RNF157: variants seen among roughly 807,000 people sequenced by gnomAD.
RNF157 encodes E3 ubiquitin ligase RNF157.
RNF157 carries 55 observed loss-of-function variants against 88.3 expected under a neutral mutation model. That is an observed-to-expected ratio of 0.62 (90% confidence interval 0.50 to 0.78). RNF157 has a LOEUF of 0.78. Ranked by LOEUF, RNF157 falls within the 30% of genes least tolerant of loss-of-function variation. RNF157 has a pLI of 0.00. For missense variants in RNF157, 788 were observed against 860.8 expected (o/e 0.92, Z 1.06); for synonymous variants, 334 against 341.2 (o/e 0.98, Z 0.23).
chr17:76,165,887 A>G (rs2068916219), intron 6 of RNF157, among the ~76,000 whole-genome samples: 2 of 152,046 alleles, frequency 1.3e-5, no homozygotes, highest in Admixed American at 1.3e-4. Flanking sequence ...TATGTTGGTC[A>G]GGCTGGTCTC....
At chr17:76,177,265 C>T (rs1241708485) in intron 2 of RNF157, among the ~76,000 whole-genome samples, 3 of 151,956 alleles carry the variant, frequency 2.0e-5, no homozygotes, top group Non-Finnish European at 4.4e-5. Context: ...GGCTGTGGAT[C>T]GGGGGCCTCC....
intron 18 of RNF157, among the ~76,000 whole-genome samples, chr17:76,151,826 G>A (rs1163580983): frequency 6.6e-6 from 1 of 152,222 alleles, no homozygotes; most frequent in Non-Finnish European, 1.5e-5. Context: ...AAATCCAGTA[G>A]TATGTACAAT....
chr17:76,184,239 A>C (rs551177919), intron 2 of RNF157, among the ~76,000 whole-genome samples: 27 of 152,098 alleles, frequency 1.8e-4, no homozygotes, highest in African/African-American at 4.6e-4. Context: ...TTGGGCAGAC[A>C]TTTAATATTT....
intron 1 of RNF157, among the ~76,000 whole-genome samples, chr17:76,215,426 G>A (rs561114378): frequency 4.0e-5 from 6 of 150,248 alleles, no homozygotes; most frequent in Non-Finnish European, 8.9e-5. Flanking sequence ...AGCGAGCTAT[G>A]ATTGCCACTG....
intron 2 of RNF157, chr17:76,212,149 A>T (rs1291976621): frequency 4.2e-6 from 2 of 479,894 alleles, no homozygotes; most frequent in Non-Finnish European, 7.5e-6. Context: ...TGTGAGACTC[A>T]TCCTCTCCCT....
Position 76,164,811 on chromosome 17 carries a change from G to C in RNF157, c.673-16C>G. The C allele has an allele frequency of 1.2e-6, 2 of 1,603,744 alleles. No individual in the cohort carries two copies. The highest frequency in any genetic ancestry group is 8.5e-7 in the Non-Finnish European group (1 of 1,171,298). On this transcript the variant is annotated splice_polypyrimidine_tract_variant and intron_variant, in intron 7 of 18. Transcript: ENST00000269391. The stretch of plus-strand genomic sequence containing the variant: ...CATCTGTGTGCTGGAATGAAAATAT[G>C]AAAGTTATGACAAGGAAGGGAGGGT...
chr17:76,146,329 C>A lies in RNF157; in HGVS notation c.1922-976G>T. ...GCTGTGAGGACTAGATGAGAGAATG[C>A]GAGCGTTGGTGAGTATCTGACTCCT... On this transcript the variant is annotated intron_variant, in intron 18 of 18. Transcript: ENST00000269391. This position sits in a 1 kb window ranked among gnomAD's most constrained non-coding sequence, Gnocchi z 4.2. 1.0e-6 allele frequency: 1 copy of A among 984,896 alleles called. No homozygotes were observed. Among genetic ancestry groups the A allele is most frequent in the Non-Finnish European group, 1.2e-6 (1 of 829,482 alleles). The allele number at this position is 984,896 out of a possible 1,614,324, so 61.0% of individuals were successfully genotyped here.
At chr17:76,180,889 G>A (rs1424172951) in intron 2 of RNF157, among the ~76,000 whole-genome samples, 5 of 152,088 alleles carry the variant, frequency 3.3e-5, no homozygotes, top group East Asian at 3.8e-4. Context: ...TCACATTCTC[G>A]AAAGGAACAA....
chr17:76,207,269 A>T lies in RNF157; in HGVS notation c.207+5095T>A, dbSNP rs1316127119. Among the ~76,000 whole-genome samples, 5 of 152,306 alleles carry T rather than the reference A, an allele frequency of 3.3e-5. No individual in the cohort carries two copies. The East Asian group carries it at 5.8e-4, about 18-fold the overall frequency. On this transcript the variant is annotated intron_variant, in intron 2 of 18. Transcript: ENST00000269391. Reference sequence around the variant, plus strand: ...ACCCTGTCTCTACAAAAAAAATTTTAAAAATTAGCCCAGTGTAGTAGCATG... The same window carrying T: ...ACCCTGTCTCTACAAAAAAAATTTTTAAAATTAGCCCAGTGTAGTAGCATG...
At chr17:76,212,299 T>C (rs910651039) in intron 2 of RNF157, 65 bp downstream of exon 2, 3 of 1,160,192 alleles carry the variant, frequency 2.6e-6, no homozygotes, top group African/African-American at 1.5e-5. Flanking sequence ...GCAAACTTAT[T>C]TTTGTTACAT....
intron 2 of RNF157, among the ~76,000 whole-genome samples, chr17:76,199,522 G>A (rs1371982536): frequency 6.7e-6 from 1 of 149,948 alleles, no homozygotes; most frequent in African/African-American, 2.5e-5. Flanking sequence ...CCAAAGTGCT[G>A]GGTTTATAGA....
At chr17:76,182,788 T>TGA (rs71161270) in intron 2 of RNF157, among the ~76,000 whole-genome samples, 1 of 120,732 alleles carries the variant, frequency 8.3e-6, no homozygotes, top group Non-Finnish European at 1.7e-5. Flanking sequence ...TATATATATA[T>TGA]GAGAGATATA....
Position 76,173,685 on chromosome 17 carries a change from A to C in RNF157, c.296+17T>G. 1 of 1,589,958 alleles carries C rather than the reference A, an allele frequency of 6.3e-7. No individual in the cohort carries two copies. The highest frequency in any genetic ancestry group is 8.6e-7 in the Non-Finnish European group (1 of 1,164,036). On this transcript the variant is annotated intron_variant, in intron 3 of 18. Coordinates refer to ENST00000269391, the MANE Select transcript of RNF157 (RefSeq NM_052916.3). ...AGGAAGGTGCCTGGGACCTGGCCCC[A>C]GCCTCTGGGAACTTACTTGACGAGC...
At chr17:76,186,405 G>A (rs771182795) in intron 2 of RNF157, among the ~76,000 whole-genome samples, 10 of 152,120 alleles carry the variant, frequency 6.6e-5, no homozygotes, top group Middle Eastern at 3.4e-3. Flanking sequence ...TACTCAGGAG[G>A]CTGAGGCAGG....
intron 1 of RNF157, among the ~76,000 whole-genome samples, chr17:76,236,109 C>G (rs1040228874): frequency 3.9e-5 from 6 of 152,076 alleles, no homozygotes; most frequent in African/African-American, 1.4e-4. Context: ...CAGTTGAAGG[C>G]CTTAAAAGCA....
chr17:76,159,737 A>G (rs1021578437), intron 11 of RNF157, among the ~76,000 whole-genome samples, 164 bp from the exon 12 acceptor site: 2 of 152,134 alleles, frequency 1.3e-5, no homozygotes, highest in Non-Finnish European at 2.9e-5. Flanking sequence ...AAAGAATCAC[A>G]CACTGTAGAT....
At chr17:76,236,715 T>G (rs1305270571) in intron 1 of RNF157, among the ~76,000 whole-genome samples, 2 of 152,010 alleles carry the variant, frequency 1.3e-5, no homozygotes, top group Non-Finnish European at 2.9e-5. Flanking sequence ...AAAAAACAAC[T>G]CACAGATGTT....
chr17:76,188,779 T>A (rs1362173712), intron 2 of RNF157, among the ~76,000 whole-genome samples: 3 of 152,212 alleles, frequency 2.0e-5, no homozygotes, highest in Non-Finnish European at 4.4e-5. Flanking sequence ...AGTGACTGGC[T>A]TCTAACGAAT....
chr17:76,235,929 A>G (rs1224527559), intron 1 of RNF157, among the ~76,000 whole-genome samples: 1 of 152,184 alleles, frequency 6.6e-6, no homozygotes, highest in Non-Finnish European at 1.5e-5. Context: ...AGATCGCTTG[A>G]GCCCAGGACT....
Sources: allele counts gnomAD v4.1 joint callset (sites outside exome capture counted in the v4.1 genomes callset), GRCh38; gene constraint gnomAD v4.1.1; non-coding constraint Gnocchi (gnomAD v3.1); transcripts MANE v1.5; gene names NCBI Gene and HGNC (gene_info 2026-07-23, HGNC 2026-07-21).